UQCC1: variants seen among roughly 807,000 people sequenced by gnomAD.
UQCC1 encodes the protein ubiquinol-cytochrome c reductase complex assembly factor 1.
Under a neutral mutation model 48.0 loss-of-function variants are expected in UQCC1, and 38 were observed. The observed-to-expected ratio is 0.79, with a 90% CI of 0.61 to 1.04. UQCC1 has a LOEUF of 1.04. Among genes scored for constraint, UQCC1 ranks in the 50% least tolerant of loss-of-function variants. UQCC1 has a pLI of 0.00. For synonymous variants in UQCC1, 111 were observed against 129.2 expected, an observed-to-expected ratio of 0.86 and a Z score of 0.95; for missense variants, 368 against 381.8, an observed-to-expected ratio of 0.96 and a Z score of 0.30.
At chr20:35,306,515 C>T (rs2060930096) in intron 9 of UQCC1, 151 bp downstream of exon 9, 7 of 616,658 alleles carry the variant, frequency 1.1e-5, no homozygotes, top group East Asian at 5.6e-5. Flanking sequence ...ATACAGAAGG[C>T]GCTCCTTCTT....
chr20:35,379,623 T>C (rs112111764), intron 4 of UQCC1, among the ~76,000 whole-genome samples: 4 of 152,256 alleles, frequency 2.6e-5, no homozygotes, highest in Middle Eastern at 3.4e-3. Context: ...TGGCCCAACA[T>C]GGTGAAACCC....
At chr20:35,381,091 G>A (rs566708087) in intron 4 of UQCC1, among the ~76,000 whole-genome samples, 1 of 152,334 alleles carries the variant, frequency 6.6e-6, no homozygotes, top group Middle Eastern at 3.4e-3. Context: ...CCCAGGGGCA[G>A]TATGCATCTG....
intron 7 of UQCC1, among the ~76,000 whole-genome samples, chr20:35,339,056 CCAGGGAACCCATGAGG>C (rs2061349754): frequency 6.6e-6 from 1 of 150,874 alleles, no homozygotes; most frequent in Admixed American, 6.6e-5. Flanking sequence ...TAAATGAGAG[CCAGGGAACCCATGAGG>C]CAGGGCAGAG....
At chr20:35,323,464 T>C (rs2061154671) in intron 7 of UQCC1, among the ~76,000 whole-genome samples, 1 of 152,182 alleles carries the variant, frequency 6.6e-6, no homozygotes, top group Non-Finnish European at 1.5e-5. Flanking sequence ...TATGAAAAGG[T>C]AATTATTATT....
At chr20:35,404,663 T>TAAAA (rs569653118) in intron 1 of UQCC1, among the ~76,000 whole-genome samples, 1,869 of 48,252 alleles carry the variant, frequency 0.039, 36 homozygotes, top group African/African-American at 0.12. Context: ...ACTTAAAGTA[T>TAAAA]AAAAAAAAAA....
chr20:35,327,949 T>C (rs997785642), intron 7 of UQCC1, among the ~76,000 whole-genome samples: 3 of 144,742 alleles, frequency 2.1e-5, no homozygotes, highest in African/African-American at 7.8e-5. Context: ...TGCAGTGAGG[T>C]GAGATTACGC....
rs570962329 is a variant in UQCC1, at chr20:35,338,617, G to A, written c.573+8547C>T. On this transcript the variant is annotated intron_variant, in intron 7 of 9. Coordinates refer to ENST00000374385, the MANE Select transcript of UQCC1 (RefSeq NM_018244.5). Reference sequence around the variant, plus strand: ...ATCCCAGCACTTTGGGAGGCCGAGCGGGTGGATCACTTAAGGTCAGGAGTT... The same window carrying A: ...ATCCCAGCACTTTGGGAGGCCGAGCAGGTGGATCACTTAAGGTCAGGAGTT... Among the ~76,000 whole-genome samples, 642 of 151,364 alleles carry A rather than the reference G, an allele frequency of 4.2e-3. 7 individuals are homozygous for A. Among genetic ancestry groups the A allele is most frequent in the African/African-American group, 0.015 (620 of 41,134 alleles).
At chr20:35,309,435 GA>G (rs572365364) in intron 8 of UQCC1, among the ~76,000 whole-genome samples, 25 of 143,280 alleles carry the variant, frequency 1.7e-4, no homozygotes, top group Admixed American at 2.8e-4. Context: ...CCTGTCTTAG[GA>G]AAAAAAAAAA....
At position 35,367,431 on chromosome 20, in the gene UQCC1, AT is replaced by A. The variant is rs149431819; in HGVS notation, c.407-818del. On this transcript the variant is annotated intron_variant, in intron 5 of 9. Coordinates refer to ENST00000374385, the MANE Select transcript of UQCC1 (RefSeq NM_018244.5). ...CTTTCTCTAAGGTACCCAATGTGCT[AT>A]GGATATGGGTGTGCTAAATGATTTG... Among the ~76,000 whole-genome samples the A allele has an allele frequency of 6.6e-3, 1,007 of 152,084 alleles. 14 individuals carry two copies. Among genetic ancestry groups the A allele is most frequent in the African/African-American group, 0.023 (962 of 41,470 alleles).
At chr20:35,336,820 A>G (rs190316155) in intron 7 of UQCC1, among the ~76,000 whole-genome samples, 82 of 152,352 alleles carry the variant, frequency 5.4e-4, no homozygotes, top group Admixed American at 4.2e-3. Context: ...GCAAAATGTT[A>G]TAAAATTCAA....
intron 1 of UQCC1, among the ~76,000 whole-genome samples, chr20:35,401,297 T>TGCCCATAA (rs1447037381): frequency 6.6e-6 from 1 of 152,224 alleles, no homozygotes; most frequent in African/African-American, 2.4e-5. Context: ...AGGCACATTG[T>TGCCCATAA]GGCCTTCTCG....
rs1040115116 is a variant in UQCC1 at position 35,306,590 on chromosome 20, C to G, written c.765+76G>C. On this transcript the variant is annotated intron_variant, in intron 9 of 9. Coordinates refer to ENST00000374385, the MANE Select transcript of UQCC1 (RefSeq NM_018244.5). ...AGGCTGGTCCTTGGTAACTCCACCT[C>G]TCATGATCCCCTGAAAGCCCAAGAG... The G allele has an allele frequency of 7.8e-6, 9 of 1,149,026 alleles. No individual in the cohort carries two copies. In the African/African-American group the frequency reaches 1.4e-4, roughly 17 times the overall value. The allele number at this position is 1,149,026 out of a possible 1,614,324, so 71.2% of individuals were successfully genotyped here.
intron 5 of UQCC1, among the ~76,000 whole-genome samples, chr20:35,371,611 C>A (rs1015697933): frequency 6.8e-6 from 1 of 147,400 alleles, no homozygotes; most frequent in Non-Finnish European, 1.5e-5. Flanking sequence ...GGATTACAGG[C>A]GTGAGCCACC....
chr20:35,347,022 T>G (rs1469903259), intron 7 of UQCC1, 142 bp downstream of exon 7: 1 of 1,582,250 alleles, frequency 6.3e-7, no homozygotes, highest in Admixed American at 1.8e-5. Flanking sequence ...GCAGAAAAAG[T>G]GACTTTAGCG....
intron 4 of UQCC1, among the ~76,000 whole-genome samples, chr20:35,380,093 C>T (rs2061848243): frequency 1.3e-5 from 2 of 152,114 alleles, no homozygotes; most frequent in Admixed American, 1.3e-4. Flanking sequence ...ATGAATAAAA[C>T]TGTAAATGTT....
chr20:35,311,685 A>G (rs774470756), intron 8 of UQCC1, among the ~76,000 whole-genome samples: 3 of 152,172 alleles, frequency 2.0e-5, no homozygotes, highest in Non-Finnish European at 4.4e-5. Context: ...TGCACATTAA[A>G]ATACAGGAAA....
intron 7 of UQCC1, among the ~76,000 whole-genome samples, chr20:35,324,634 T>C (rs115972315): frequency 3.3e-4 from 50 of 152,364 alleles, no homozygotes; most frequent in African/African-American, 1.2e-3. Flanking sequence ...CCGAGCAAGA[T>C]AATTCCATTT....
At chr20:35,373,318 ATT>A (rs1485974011) in intron 5 of UQCC1, among the ~76,000 whole-genome samples, 1 of 152,228 alleles carries the variant, frequency 6.6e-6, no homozygotes, top group Non-Finnish European at 1.5e-5. Context: ...TCCAGGATTA[ATT>A]AAAACAATTA....
intron 5 of UQCC1, among the ~76,000 whole-genome samples, chr20:35,368,305 T>C (rs2061692221): frequency 6.6e-6 from 1 of 152,210 alleles, no homozygotes; most frequent in Non-Finnish European, 1.5e-5. Context: ...CCAGATGTTC[T>C]ACTGGGTTCT....
Sources: allele counts gnomAD v4.1 joint callset (sites outside exome capture counted in the v4.1 genomes callset), GRCh38; gene constraint gnomAD v4.1.1; transcripts MANE v1.5; gene names NCBI Gene and HGNC (gene_info 2026-07-23, HGNC 2026-07-21).